PARVA: variants seen among roughly 807,000 people sequenced by gnomAD.
PARVA encodes the protein parvin alpha, also known as alpha-parvin.
PARVA carries 25 observed loss-of-function variants against 52.6 expected under a neutral mutation model. The observed-to-expected ratio is 0.48, with a 90% CI of 0.35 to 0.66. PARVA has a LOEUF of 0.66. Ranked by LOEUF, PARVA falls within the 30% of genes least tolerant of loss-of-function variation. PARVA has a pLI of 0.01. For missense variants in PARVA, 373 were observed against 450.9 expected, an observed-to-expected ratio of 0.83 and a Z score of 1.56; for synonymous variants, 185 against 179.1, an observed-to-expected ratio of 1.03 and a Z score of -0.26.
intron 5 of PARVA, among the ~76,000 whole-genome samples, chr11:12,501,435 G>C (rs991905568): frequency 6.6e-6 from 1 of 151,990 alleles, no homozygotes; most frequent in Non-Finnish European, 1.5e-5. Context: ...AACTATGGTT[G>C]GTCCAAAACT....
At chr11:12,507,211 A>G (rs1210940679) in intron 6 of PARVA, among the ~76,000 whole-genome samples, 1 of 152,176 alleles carries the variant, frequency 6.6e-6, no homozygotes, top group Non-Finnish European at 1.5e-5. Flanking sequence ...AGGAGGCTCG[A>G]GAAGGCAGGG....
In PARVA at chr11:12,533,778, C is replaced by T. The variant is rs1053522143; in HGVS notation, c.*5853C>T. On this transcript the variant is annotated 3_prime_UTR_variant, in exon 13 of 13. Transcript: ENST00000334956. ...AGTGAAAGCAGGTCATCATAAAGTC[C>T]TCATCCTCATGGTCATCACATTGAG... 1.3e-5 allele frequency among the ~76,000 whole-genome samples: 2 copies of T among 151,102 alleles called. No individual in the cohort carries two copies. The highest frequency in any genetic ancestry group is 6.6e-5 in the Admixed American group (1 of 15,168).
At chr11:12,414,540 A>T (rs1940036954) in intron 1 of PARVA, among the ~76,000 whole-genome samples, 1 of 152,230 alleles carries the variant, frequency 6.6e-6, no homozygotes, top group South Asian at 2.1e-4. Context: ...TAAATGAGAG[A>T]ATGTATCAGA....
intron 1 of PARVA, among the ~76,000 whole-genome samples, chr11:12,384,474 T>A (rs1455984216): frequency 6.6e-6 from 1 of 152,212 alleles, no homozygotes; most frequent in Non-Finnish European, 1.5e-5. Context: ...ATAAACAAGA[T>A]AAATTGGTAA....
chr11:12,466,826 G>A (rs374888242), intron 1 of PARVA, among the ~76,000 whole-genome samples: 3 of 151,952 alleles, frequency 2.0e-5, no homozygotes, highest in Non-Finnish European at 4.4e-5. Flanking sequence ...GGTAGTGTTC[G>A]TCCTCCAACT....
At chr11:12,507,815 C>A (rs546838227) in intron 6 of PARVA, among the ~76,000 whole-genome samples, 1 of 152,268 alleles carries the variant, frequency 6.6e-6, no homozygotes, top group East Asian at 1.9e-4. Flanking sequence ...GTGTCTACTT[C>A]TTCTATCCCG....
At chr11:12,464,950 T>G (rs1023801926) in intron 1 of PARVA, among the ~76,000 whole-genome samples, 1 of 152,174 alleles carries the variant, frequency 6.6e-6, no homozygotes, top group Non-Finnish European at 1.5e-5. Flanking sequence ...CTCAGATCAT[T>G]AGGCATTAAA....
chr11:12,487,305 G>T (rs1033263208), intron 4 of PARVA, among the ~76,000 whole-genome samples: 11 of 152,158 alleles, frequency 7.2e-5, no homozygotes, highest in African/African-American at 2.7e-4. Flanking sequence ...TAAAATTGAA[G>T]CAGGAATGAA....
At chr11:12,511,136 G>A (rs1382272477) in intron 7 of PARVA, among the ~76,000 whole-genome samples, 3 of 152,122 alleles carry the variant, frequency 2.0e-5, no homozygotes, top group South Asian at 2.1e-4. Flanking sequence ...GAGCTCACTC[G>A]TAAGAATTCT....
Position 12,511,853 on chromosome 11 carries a change from G to A in PARVA, c.736+320G>A, listed in dbSNP as rs1349395818. On this transcript the variant is annotated intron_variant, in intron 8 of 12. Transcript: ENST00000334956. ...GGGACCCCACAGCCCAAGGGTGAAGGAGGAGATTATGATCTTGGTTTATCC... is the reference window on the plus strand; with the variant it reads ...GGGACCCCACAGCCCAAGGGTGAAGAAGGAGATTATGATCTTGGTTTATCC... 6.6e-5 allele frequency among the ~76,000 whole-genome samples: 10 copies of A among 152,200 alleles called. 1 individual carries two copies.
intron 4 of PARVA, 86 bp from the exon 5 acceptor site, chr11:12,496,372 G>A: frequency 9.9e-6 from 10 of 1,006,344 alleles, no homozygotes; most frequent in Admixed American, 4.0e-5. Context: ...GAGTGCATGA[G>A]AGACCGAATA....
At chr11:12,385,090 A>G (rs1939552460) in intron 1 of PARVA, among the ~76,000 whole-genome samples, 1 of 152,178 alleles carries the variant, frequency 6.6e-6, no homozygotes, top group East Asian at 1.9e-4. Context: ...TAATCCCAGC[A>G]CTTTGGGAGG....
chr11:12,507,420 C>T (rs1276652795), intron 6 of PARVA, among the ~76,000 whole-genome samples: 1 of 152,204 alleles, frequency 6.6e-6, no homozygotes, highest in Non-Finnish European at 1.5e-5. Context: ...CCAACATTAC[C>T]TCCTTCGTCA....
At chr11:12,378,142 C>G (rs1348714113) in intron 1 of PARVA, among the ~76,000 whole-genome samples, 1 of 151,908 alleles carries the variant, frequency 6.6e-6, no homozygotes, top group Non-Finnish European at 1.5e-5. Flanking sequence ...ACAGTGCGAT[C>G]CAGTAGGCCC....
chr11:12,376,546 A>T (rs1939391375), upstream of PARVA, among the ~76,000 whole-genome samples: 1 of 152,224 alleles, frequency 6.6e-6, no homozygotes, highest in African/African-American at 2.4e-5. Flanking sequence ...GTGCAGTCTT[A>T]ACTGGGGCCA....
chr11:12,498,369 A>G (rs973829524), intron 5 of PARVA, among the ~76,000 whole-genome samples: 4 of 152,028 alleles, frequency 2.6e-5, no homozygotes, highest in Non-Finnish European at 2.9e-5. Flanking sequence ...CATCAAGAAC[A>G]TTGTCTCCAG....
At chr11:12,489,039 T>C (rs895922559) in intron 4 of PARVA, among the ~76,000 whole-genome samples, 2 of 152,058 alleles carry the variant, frequency 1.3e-5, no homozygotes, top group Non-Finnish European at 2.9e-5. Flanking sequence ...ACTGTTGAGC[T>C]ATAGACTGGG....
At chr11:12,377,910 TGCGTGCGCGC>T in intron 1 of PARVA, 127 bp downstream of exon 1, 4 of 367,094 alleles carry the variant, frequency 1.1e-5, no homozygotes, top group Non-Finnish European at 1.7e-5. Context: ...CGCGCGGCGA[TGCGTGCGCGC>T]GCTTCCCGGG....
intron 1 of PARVA, among the ~76,000 whole-genome samples, chr11:12,464,441 A>G (rs983290195): frequency 1.3e-5 from 2 of 152,204 alleles, no homozygotes; most frequent in South Asian, 2.1e-4. Flanking sequence ...ATATAGCAGT[A>G]TCAGCACTGT....
Sources: gnomAD v4.1 joint callset for allele counts (sites outside exome capture counted in the v4.1 genomes callset) on GRCh38, gnomAD v4.1.1 for gene constraint, MANE v1.5 for transcripts, NCBI Gene and HGNC (gene_info 2026-07-23, HGNC 2026-07-21) for gene names.